LARGE1: variants seen among roughly 807,000 people sequenced by gnomAD.
LARGE1 encodes the protein xylosyl- and glucuronyltransferase LARGE1.
LARGE1 carries 43 observed loss-of-function variants against 87.6 expected under a neutral mutation model. The observed-to-expected ratio is 0.49, with a 90% CI of 0.38 to 0.63. The LOEUF (loss-of-function observed/expected upper bound fraction) is 0.63, where lower values mean the gene tolerates loss of function less well. Ranked by LOEUF, LARGE1 falls within the 30% of genes least tolerant of loss-of-function variation. The pLI is 0.00. For missense variants in LARGE1, 802 were observed against 1,000.2 expected, an observed-to-expected ratio of 0.80 and a Z score of 2.67; for synonymous variants, 434 against 394.6, an observed-to-expected ratio of 1.10 and a Z score of -1.18.
chr22:33,783,164 C>T (rs1431076952), intron 1 of LARGE1, among the ~76,000 whole-genome samples: 4 of 151,866 alleles, frequency 2.6e-5, no homozygotes, highest in South Asian at 2.1e-4. Flanking sequence ...TAGCAAAACA[C>T]GTTAATCCAC....
At chr22:33,427,157 C>CTGAA (rs1332574325) in intron 7 of LARGE1, among the ~76,000 whole-genome samples, 1 of 152,212 alleles carries the variant, frequency 6.6e-6, no homozygotes, top group Non-Finnish European at 1.5e-5. Flanking sequence ...CTGCTCACAG[C>CTGAA]TGAATGCTGG....
At chr22:33,525,273 A>G (rs2071830204) in intron 6 of LARGE1, among the ~76,000 whole-genome samples, 1 of 152,162 alleles carries the variant, frequency 6.6e-6, no homozygotes, top group Admixed American at 6.5e-5. Flanking sequence ...TATGTCTTCA[A>G]TGAAACTGCT....
intron 7 of LARGE1, among the ~76,000 whole-genome samples, chr22:33,410,131 G>A (rs184819900): frequency 1.3e-5 from 2 of 152,230 alleles, no homozygotes; most frequent in Admixed American, 6.5e-5. Context: ...TCTAATTTAA[G>A]TGGTCTGAGA....
chr22:33,289,293 A>G (rs1932113465), intron 12 of LARGE1, among the ~76,000 whole-genome samples: 1 of 152,166 alleles, frequency 6.6e-6, no homozygotes, highest in African/African-American at 2.4e-5. Context: ...TAAATAACTC[A>G]GAACCTTGCT....
chr22:33,810,206 C>T (rs1029535516), intron 1 of LARGE1, among the ~76,000 whole-genome samples: 14 of 152,160 alleles, frequency 9.2e-5, no homozygotes, highest in Non-Finnish European at 1.8e-4. Context: ...GCTGTTTTCA[C>T]GTTTGCAGGT....
intron 1 of LARGE1, among the ~76,000 whole-genome samples, chr22:33,779,853 A>G (rs2085361608): frequency 7.6e-6 from 1 of 131,358 alleles, no homozygotes. Context: ...AGTCTACTGT[A>G]TCTTCCTCTC....
At chr22:33,473,394 G>T (rs2068936920) in intron 6 of LARGE1, among the ~76,000 whole-genome samples, 1 of 151,988 alleles carries the variant, frequency 6.6e-6, no homozygotes, top group South Asian at 2.1e-4. Flanking sequence ...CTGTTGCTCA[G>T]ACTGAAGTGC....
chr22:33,493,776 T>C (rs1216351415), intron 6 of LARGE1, among the ~76,000 whole-genome samples: 2 of 152,292 alleles, frequency 1.3e-5, no homozygotes, highest in Admixed American at 6.5e-5. Flanking sequence ...AGATCCTTTA[T>C]TTTAAACAAT....
intron 6 of LARGE1, among the ~76,000 whole-genome samples, chr22:33,439,885 C>A (rs1482719091): frequency 6.6e-6 from 1 of 152,184 alleles, no homozygotes; most frequent in Non-Finnish European, 1.5e-5. Flanking sequence ...GCCTTTTACT[C>A]AATCTTGAAC....
intron 1 of LARGE1, among the ~76,000 whole-genome samples, chr22:33,802,575 T>G (rs1205516889): frequency 6.6e-6 from 1 of 152,160 alleles, no homozygotes; most frequent in Non-Finnish European, 1.5e-5. Context: ...ACACAGGACA[T>G]CTCCTGCACT....
Position 33,579,897 on chromosome 22 carries a change from T to A in LARGE1, c.616-14878A>T, listed in dbSNP as rs528438037. On this transcript the variant is annotated intron_variant, in intron 5 of 14. Transcript: ENST00000397394. ...TTAATAGCACAGCTCTGTAACTTTA[T>A]TTTCTGTTTGCACAGAATTGCTGAG... 2.6e-5 allele frequency among the ~76,000 whole-genome samples: 4 copies of A among 152,320 alleles called. No individual in the cohort carries two copies. In the South Asian group the frequency reaches 8.3e-4, roughly 32 times the overall value.
chr22:33,684,422 C>G (rs185071710), intron 2 of LARGE1, among the ~76,000 whole-genome samples: 1 of 151,818 alleles, frequency 6.6e-6, no homozygotes, highest in East Asian at 1.9e-4. Flanking sequence ...CTGATCTGCC[C>G]CCGAGAAACA....
At chr22:33,626,194 A>C in intron 4 of LARGE1, 50 bp downstream of exon 4, 1 of 1,492,052 alleles carries the variant, frequency 6.7e-7, no homozygotes, top group South Asian at 1.1e-5. Context: ...GGAAATACAC[A>C]GGCAGGCAGT....
At chr22:33,370,163 G>A (rs1352776980) in intron 9 of LARGE1, among the ~76,000 whole-genome samples, 1 of 152,026 alleles carries the variant, frequency 6.6e-6, no homozygotes, top group Non-Finnish European at 1.5e-5. Flanking sequence ...AAATCTTGAG[G>A]TCAGAACAGT....
At chr22:33,534,710 T>C (rs1347813896) in intron 6 of LARGE1, among the ~76,000 whole-genome samples, 2 of 152,108 alleles carry the variant, frequency 1.3e-5, no homozygotes, top group African/African-American at 4.8e-5. Flanking sequence ...GGTTCTGGGT[T>C]TGGGGAGAGG....
intron 10 of LARGE1, among the ~76,000 whole-genome samples, chr22:33,316,864 T>C (rs1176407867): frequency 1.3e-5 from 2 of 152,172 alleles, no homozygotes; most frequent in Non-Finnish European, 2.9e-5. Context: ...CATAAACTCC[T>C]TAGAAACAAA....
chr22:33,113,437 C>T, the LARGE1 span, among the ~76,000 whole-genome samples: 13 of 152,304 alleles, frequency 8.5e-5, no homozygotes, highest in African/African-American at 3.1e-4. Context: ...GAACTCCCGA[C>T]CTCAGGTGAT....
intron 1 of LARGE1, among the ~76,000 whole-genome samples, chr22:33,879,807 A>C (rs1291840582): frequency 6.6e-6 from 1 of 152,234 alleles, no homozygotes; most frequent in African/African-American, 2.4e-5. Context: ...TCTTCAAAGA[A>C]GAGGCTATGC....
chr22:33,297,503 C>T (rs1219313898), intron 12 of LARGE1, among the ~76,000 whole-genome samples: 1 of 151,062 alleles, frequency 6.6e-6, no homozygotes, highest in African/African-American at 2.4e-5. Flanking sequence ...ATCCCAGCTA[C>T]TTGGGAGGCT....
Sources: gnomAD v4.1 joint callset for allele counts (sites outside exome capture counted in the v4.1 genomes callset) on GRCh38, gnomAD v4.1.1 for gene constraint, MANE v1.5 for transcripts, NCBI Gene and HGNC (gene_info 2026-07-23, HGNC 2026-07-21) for gene names.